HELB: variants seen among roughly 807,000 people sequenced by gnomAD.
HELB encodes DNA helicase B.
HELB carries 96 observed loss-of-function variants against 101.7 expected under a neutral mutation model. The observed-to-expected ratio is 0.94, with a 90% CI of 0.80 to 1.12. HELB has a LOEUF of 1.12. Among genes scored for constraint, HELB ranks in the 50% most tolerant of loss-of-function variants. HELB has a pLI of 0.00. For synonymous variants in HELB, 437 were observed against 459.7 expected (o/e 0.95, Z 0.63); for missense variants, 1,210 against 1,291.9 (o/e 0.94, Z 0.97).
rs772827943 is a variant in HELB at position 66,314,017 on chromosome 12, CAAT to C, written c.1713_1715del (p.Met573del). 1 of 1,613,744 alleles carries C rather than the reference CAAT, an allele frequency of 6.2e-7. No individual in the cohort carries two copies. The stretch of plus-strand genomic sequence containing the variant: ...TATAGCTTCTATTCATGGACTCAAA[CAAT>C]GATGACCACAAACAAACCATGGAAA... On this transcript the variant is annotated inframe_deletion, in exon 5 of 13. Transcript: ENST00000247815.
chr12:66,321,642 T>C (rs1169835779), intron 7 of HELB: 5 of 283,586 alleles, frequency 1.8e-5, no homozygotes, highest in Non-Finnish European at 3.4e-5. Flanking sequence ...TGTTTATTTC[T>C]TAAATTCAGT....
chr12:66,336,712 G>A lies in HELB; in HGVS notation c.3163-1289G>A, dbSNP rs1006031679. Among the ~76,000 whole-genome samples the A allele has an allele frequency of 2.6e-5, 4 of 152,102 alleles. No individual in the cohort carries two copies. In the East Asian group the frequency reaches 7.7e-4, roughly 29 times the overall value. On this transcript the variant is annotated intron_variant, in intron 12 of 12. Transcript: ENST00000247815. ...AGTCCTGGCACATTAGGAGACTACAGATGTAGAACAGCATGGCTGGAGCAC... is the reference window on the plus strand; with the variant it reads ...AGTCCTGGCACATTAGGAGACTACAAATGTAGAACAGCATGGCTGGAGCAC...
Position 66,338,009 on chromosome 12 carries a change from A to G in HELB, c.3171A>G (p.Glu1057=), listed in dbSNP as rs749259756. ...TTTAATTGTTCTAACAGGTGGGAGA[A>G]TCTCCACAAGTGTCTTCCAGACTTC... The part of the protein sequence containing the change: ...ESPSKIFMVG[E]SPQVSSRLQN... The change falls in exon 13 of 13, where the codon GAA becomes GAG. Residue 1057 remains glutamate (E), a synonymous_variant. Transcript: ENST00000247815. The G allele has an allele frequency of 6.3e-7, 1 of 1,580,918 alleles. No individual in the cohort carries two copies. The highest frequency in any genetic ancestry group is 1.1e-5 in the South Asian group (1 of 89,662).
chr12:66,321,606 T>C, intron 7 of HELB: 1 of 230,952 alleles, frequency 4.3e-6, no homozygotes. Flanking sequence ...TTTACATTAG[T>C]CATGCTGTTA....
Position 66,306,473 on chromosome 12 carries a change from G to C in HELB, c.736G>C (p.Glu246Gln). Reference sequence around the variant, plus strand: ...TAAAGAGATGTTGAAAGAGATAGAAGAGATTTTAGGTACACATCCGTGGAA... The same window carrying C: ...TAAAGAGATGTTGAAAGAGATAGAACAGATTTTAGGTACACATCCGTGGAA... ...GSKEMLKEIE[E>Q]ILGTHPWKLG... The change falls in exon 3 of 13, where the codon GAG becomes CAG. Residue 246 changes from glutamate to glutamine, a missense_variant. Physicochemically the swap from Glu to Gln is conservative, Grantham distance 29. Transcript: ENST00000247815. 5.6e-6 allele frequency: 9 copies of C among 1,602,740 alleles called. No individual in the cohort carries two copies. The highest frequency in any genetic ancestry group is 7.7e-6 in the Non-Finnish European group (9 of 1,174,916).
chr12:66,325,429 T>G (rs1457795281), intron 11 of HELB, among the ~76,000 whole-genome samples: 1 of 152,226 alleles, frequency 6.6e-6, no homozygotes, highest in Non-Finnish European at 1.5e-5. Flanking sequence ...GGTTAAATTC[T>G]GATATTTTGT....
chr12:66,319,897 G>C (rs1172311687), intron 7 of HELB, among the ~76,000 whole-genome samples: 8 of 145,284 alleles, frequency 5.5e-5, no homozygotes, highest in African/African-American at 2.0e-4. Flanking sequence ...TTTGTTTATT[G>C]TAGAAACTTT....
At chr12:66,336,623 A>T (rs1001848597) in intron 12 of HELB, among the ~76,000 whole-genome samples, 2 of 152,198 alleles carry the variant, frequency 1.3e-5, no homozygotes, top group African/African-American at 4.8e-5. Context: ...CTCTGTCCCC[A>T]TATGGATATG....
chr12:66,335,316 G>A (rs1337783410), intron 12 of HELB, among the ~76,000 whole-genome samples: 3 of 152,102 alleles, frequency 2.0e-5, no homozygotes, highest in Non-Finnish European at 4.4e-5. Flanking sequence ...TAGAGGAGGG[G>A]GCCTGATGAC....
intron 12 of HELB, among the ~76,000 whole-genome samples, 161 bp from the exon 13 acceptor site, chr12:66,337,840 C>T (rs1328687984): frequency 6.6e-6 from 1 of 152,158 alleles, no homozygotes; most frequent in Non-Finnish European, 1.5e-5. Flanking sequence ...CAGATGTGAT[C>T]CTACAAGGAG....
intron 12 of HELB, among the ~76,000 whole-genome samples, chr12:66,335,708 A>T (rs999421908): frequency 3.3e-5 from 5 of 152,146 alleles, no homozygotes; most frequent in African/African-American, 1.2e-4. Context: ...CGTGGGTAAG[A>T]TGGGAAAAAT....
At chr12:66,324,735 G>A (rs2053715527) in intron 10 of HELB, among the ~76,000 whole-genome samples, 1 of 152,120 alleles carries the variant, frequency 6.6e-6, no homozygotes, top group African/African-American at 2.4e-5. Context: ...GAAATAACAG[G>A]CTGTTCTTCA....
Position 66,310,703 on chromosome 12 carries a change from C to T in HELB, c.1680+95C>T, listed in dbSNP as rs916551269. 7.1e-5 allele frequency: 79 copies of T among 1,113,494 alleles called. 1 individual carries two copies. Among genetic ancestry groups the T allele is most frequent in the South Asian group, 4.4e-4 (29 of 66,408 alleles). The allele number at this position is 1,113,494 out of a possible 1,614,324, so 69.0% of individuals were successfully genotyped here. On this transcript the variant is annotated intron_variant, in intron 4 of 12. Coordinates refer to ENST00000247815, the MANE Select transcript of HELB (RefSeq NM_001370285.1). ...TCCCAGAACTTTTGGGAGACTGAGG[C>T]GGGCAGATCACAAGGTCAGGAGATG...
intron 11 of HELB, among the ~76,000 whole-genome samples, chr12:66,328,881 A>G (rs1386845357): frequency 1.3e-5 from 2 of 152,138 alleles, no homozygotes. Context: ...TTTCTTTTTT[A>G]ATGAGACTAC....
chr12:66,330,528 C>G (rs968117975), intron 11 of HELB, among the ~76,000 whole-genome samples: 8 of 149,598 alleles, frequency 5.3e-5, no homozygotes, highest in African/African-American at 1.5e-4. Flanking sequence ...ACAGTTTTGA[C>G]CATTCTCTAT....
intron 8 of HELB, 54 bp downstream of exon 8, chr12:66,322,083 CTTA>C (rs2053676891): frequency 2.9e-6 from 2 of 693,796 alleles, no homozygotes; most frequent in Non-Finnish European, 2.5e-6. Context: ...AATCTCATAA[CTTA>C]TTAATATAGA....
rs1325206059 is a variant in HELB, at chr12:66,331,367, C to T, written c.2884C>T (p.Pro962Ser). ...QSKLSSSGAP[P>S]ADFPSPRKSS... Reference sequence around the variant, plus strand: ...TAAGCTCTCCTCTAGCGGCGCACCTCCAGCAGATTTTCCGTCCCCACGGAA... The same window carrying T: ...TAAGCTCTCCTCTAGCGGCGCACCTTCAGCAGATTTTCCGTCCCCACGGAA... The change falls in exon 12 of 13, where the codon CCA (proline) becomes TCA (serine). Residue 962 changes from proline (P) to serine (S), a missense_variant. Physicochemically the swap from Pro to Ser is moderately conservative, Grantham distance 74. This residue lies in a region of HELB where 740 missense variants were observed against 728.8 expected (regional missense o/e 1.02). Coordinates refer to ENST00000247815, the MANE Select transcript of HELB (RefSeq NM_001370285.1). The T allele has an allele frequency of 6.2e-7, 1 of 1,614,230 alleles. No homozygotes were observed. Among genetic ancestry groups the T allele is most frequent in the Non-Finnish European group, 8.5e-7 (1 of 1,180,046 alleles).
chr12:66,323,414 C>T (rs1434514624), intron 9 of HELB, among the ~76,000 whole-genome samples: 1 of 152,144 alleles, frequency 6.6e-6, no homozygotes, highest in Admixed American at 6.6e-5. Flanking sequence ...GGTCGTTTCC[C>T]TCTCCCACGT....
chr12:66,340,324 A>G (rs1222462415), downstream of HELB: 1 of 152,230 alleles, frequency 6.6e-6, no homozygotes, highest in African/African-American at 2.4e-5. Context: ...GTGGGTATGA[A>G]GTAGTATTTC....
Sources: gnomAD v4.1 joint callset for allele counts (sites outside exome capture counted in the v4.1 genomes callset) on GRCh38, gnomAD v4.1.1 for gene constraint, gnomAD v4.1.1 regional missense constraint, MANE v1.5 for transcripts, NCBI Gene and HGNC (gene_info 2026-07-23, HGNC 2026-07-21) for gene names.